CNKSR3: variants seen among roughly 807,000 people sequenced by gnomAD.
CNKSR3 encodes CNKSR family member 3.
Under a neutral mutation model 67.7 loss-of-function variants are expected in CNKSR3, and 36 were observed. That is an observed-to-expected ratio of 0.53 (90% CI 0.41 to 0.70). The LOEUF is 0.70. CNKSR3 is among the 30% of genes least tolerant of loss of function. CNKSR3 has a pLI of 0.00. For synonymous variants in CNKSR3, 281 were observed against 271.4 expected (o/e 1.04, Z -0.35); for missense variants, 630 against 695.2 (o/e 0.91, Z 1.05).
Position 154,430,618 on chromosome 6 carries a change from G to GA in CNKSR3, c.550-28dup, listed in dbSNP as rs767823408. On this transcript the variant is annotated intron_variant, in intron 5 of 12. Transcript: ENST00000607772. ...TAGAATTGGAGAAGCAAATAGTCAG[G>GA]AAAGTTCAATCATTAACCAAGTTTA... 1.9e-6 allele frequency: 3 copies of GA among 1,590,308 alleles called. No homozygotes were observed. The Admixed American group carries it at 5.5e-5, about 29-fold the overall frequency.
In CNKSR3 at chr6:154,422,925, T is replaced by C. The variant is rs1311351875; in HGVS notation, c.788A>G (p.Gln263Arg). The C allele has an allele frequency of 2.5e-6, 4 of 1,611,618 alleles. No individual in the cohort carries two copies. The highest frequency in any genetic ancestry group is 2.7e-5 in the African/African-American group (2 of 74,878). ...AATAAACAAACTCACCACAGTTTGC[T>C]GATTAACTTGAATGACTTCGTCACC... ...HAGDEVIQVN[Q>R]QTVVGWQLKN... is the part of the protein sequence containing the mutation. The change falls in exon 8 of 13, where the codon CAG (glutamine) becomes CGG (arginine). Residue 263 changes from glutamine (Q) to arginine (R), a missense_variant. Physicochemically the swap from Gln to Arg is conservative, Grantham distance 43 (BLOSUM62 1). Transcript: ENST00000607772.
rs947802236 is a variant in CNKSR3 at position 154,401,205 on chromosome 6, T to C, written c.*5149A>G. 2.0e-5 allele frequency: 3 copies of C among 152,196 alleles called. No individual in the cohort carries two copies. The highest frequency in any genetic ancestry group is 2.9e-5 in the Non-Finnish European group (2 of 68,034). The allele number at this position is 152,196 out of a possible 1,614,324, so 9.4% of individuals were successfully genotyped here. A position where few individuals can be genotyped will look rare whatever the true frequency, so the allele number is the denominator to read the frequency against. ...TTTATGTCCTCCCAAAATTCATCTGTTGAAACCCTAATCTCCAAAGCAATG... is the reference window on the plus strand; with the variant it reads ...TTTATGTCCTCCCAAAATTCATCTGCTGAAACCCTAATCTCCAAAGCAATG... On this transcript the variant is annotated 3_prime_UTR_variant, in exon 13 of 13. Transcript: ENST00000607772.
chr6:154,449,078 C>T (rs927643165), intron 2 of CNKSR3, among the ~76,000 whole-genome samples: 12 of 152,274 alleles, frequency 7.9e-5, no homozygotes, highest in South Asian at 4.1e-4. Flanking sequence ...CCACACCTAA[C>T]GAAGCTACCC....
In CNKSR3 at chr6:154,450,128, A is replaced by G; in HGVS notation, c.183T>C (p.Leu61=). The change falls in exon 2 of 13, where the codon CTT becomes CTC. Residue 61 remains leucine (L), a synonymous_variant. Coordinates refer to ENST00000607772, the MANE Select transcript of CNKSR3 (RefSeq NM_173515.4). ...LGVTRIGHQE[L]VLEAVDLLCA... ...AGAGAAGGTCCACAGCCTCCAACACAAGCTCCTGGTGTCCAATCCGTGTGA... is the reference window on the plus strand; with the variant it reads ...AGAGAAGGTCCACAGCCTCCAACACGAGCTCCTGGTGTCCAATCCGTGTGA... 1 of 1,614,054 alleles carries G rather than the reference A, an allele frequency of 6.2e-7. No homozygotes were observed. Among genetic ancestry groups the G allele is most frequent in the Non-Finnish European group, 8.5e-7 (1 of 1,179,978 alleles).
chr6:154,441,028 G>C (rs1392041209), intron 4 of CNKSR3, among the ~76,000 whole-genome samples: 1 of 151,922 alleles, frequency 6.6e-6, no homozygotes, highest in Non-Finnish European at 1.5e-5. Flanking sequence ...TTTAGGGGAA[G>C]TACAGGAACT....
chr6:154,414,124 A>G (rs569932750), intron 10 of CNKSR3, among the ~76,000 whole-genome samples, 175 bp downstream of exon 10: 95 of 149,254 alleles, frequency 6.4e-4, no homozygotes, highest in Non-Finnish European at 1.0e-3. Flanking sequence ...GAACCCAGAT[A>G]TGTCCCTACA....
chr6:154,397,085 C>G lies in CNKSR3; in HGVS notation c.*9269G>C, dbSNP rs1430455231. ...CCTCCCAAAGTGCTGGGATTACAGG[C>G]GTGACCCACCGCGCCCGGCCTCACT... On this transcript the variant is annotated 3_prime_UTR_variant, in exon 13 of 13. Coordinates refer to ENST00000607772, the MANE Select transcript of CNKSR3 (RefSeq NM_173515.4). The G allele has an allele frequency of 6.6e-6, 1 of 152,164 alleles. No individual in the cohort carries two copies. Among genetic ancestry groups the G allele is most frequent in the Non-Finnish European group, 1.5e-5 (1 of 68,074 alleles). The allele number at this position is 152,164 out of a possible 1,614,324, so 9.4% of individuals were successfully genotyped here. A position where few individuals can be genotyped will look rare whatever the true frequency, so the allele number is the denominator to read the frequency against.
intron 1 of CNKSR3, among the ~76,000 whole-genome samples, chr6:154,492,770 A>C (rs12190118): frequency 0.38 from 55,977 of 149,258 alleles, 10,720 homozygotes; most frequent in African/African-American, 0.44. Flanking sequence ...AAAAAACAAA[A>C]AAAAAAACAA....
rs916369795 is a variant in CNKSR3 at position 154,400,027 on chromosome 6, A to C, written c.*6327T>G. 1 of 152,210 alleles carries C rather than the reference A, an allele frequency of 6.6e-6. No homozygotes were observed. Among genetic ancestry groups the C allele is most frequent in the African/African-American group, 2.4e-5 (1 of 41,460 alleles). 9.4% of individuals were successfully genotyped at this position (152,210 alleles called of 1,614,324 possible). Reference sequence around the variant, plus strand: ...GGCAAGAGGAGAGAAAATGATGAGAATATCCTTATCCCTGGGTGTGAGGAG... The same window carrying C: ...GGCAAGAGGAGAGAAAATGATGAGACTATCCTTATCCCTGGGTGTGAGGAG... On this transcript the variant is annotated 3_prime_UTR_variant, in exon 13 of 13. Transcript: ENST00000607772.
rs1323204108 is a variant in CNKSR3 at position 154,396,520 on chromosome 6, C to T, written c.*9834G>A. The T allele has an allele frequency of 6.6e-6, 1 of 152,026 alleles. No individual in the cohort carries two copies. The highest frequency in any genetic ancestry group is 1.5e-5 in the Non-Finnish European group (1 of 68,010). The allele number at this position is 152,026 out of a possible 1,614,324, so 9.4% of individuals were successfully genotyped here. The stretch of plus-strand genomic sequence containing the variant: ...AGTTACTTCAATAATATTTTCTCTG[C>T]CTACAGAGCAAATATAAGGGTAAAT... On this transcript the variant is annotated 3_prime_UTR_variant, in exon 13 of 13. Transcript: ENST00000607772.
intron 9 of CNKSR3, among the ~76,000 whole-genome samples, chr6:154,422,244 A>G (rs1452110844): frequency 1.3e-5 from 2 of 152,148 alleles, no homozygotes; most frequent in Non-Finnish European, 2.9e-5. Context: ...CGCCCGCCTC[A>G]GCCTCCCAAG....
chr6:154,415,326 G>A (rs993772091), intron 9 of CNKSR3, among the ~76,000 whole-genome samples: 1 of 148,600 alleles, frequency 6.7e-6, no homozygotes, highest in Middle Eastern at 3.5e-3. Context: ...TGCCTCCTGG[G>A]TTCAAGTGAT....
intron 1 of CNKSR3, among the ~76,000 whole-genome samples, chr6:154,468,393 TACACACAC>T (rs55806681): frequency 9.8e-4 from 135 of 137,310 alleles, no homozygotes; most frequent in African/African-American, 2.5e-3. Flanking sequence ...ATATATTTTA[TACACACAC>T]ACACACACAC....
intron 1 of CNKSR3, among the ~76,000 whole-genome samples, chr6:154,489,479 C>A (rs1401063511): frequency 2.0e-5 from 3 of 151,888 alleles, no homozygotes; most frequent in South Asian, 4.2e-4. Flanking sequence ...TGCAGTAAGC[C>A]GAGATCCCAC....
At position 154,415,239 on chromosome 6, in the gene CNKSR3, T is replaced by C. The variant is rs551870866; in HGVS notation, c.946-816A>G. 9.9e-5 allele frequency among the ~76,000 whole-genome samples: 14 copies of C among 140,706 alleles called. 1 individual carries two copies. The East Asian group carries it at 3.1e-3, about 31-fold the overall frequency. 92.3% of individuals were successfully genotyped at this position (140,706 alleles called of 152,430 possible). On this transcript the variant is annotated intron_variant, in intron 9 of 12. Transcript: ENST00000607772. ...CTTACTAGCTGCCCATTTTTTTTTT[T>C]TTTTTTTTTAAGATGGAGTCTGCCT...
intron 4 of CNKSR3, among the ~76,000 whole-genome samples, chr6:154,438,221 A>C (rs1251174228): frequency 1.3e-5 from 2 of 152,112 alleles, no homozygotes; most frequent in Admixed American, 1.3e-4. Flanking sequence ...ATTTTTATAA[A>C]TAAAATTTTT....
chr6:154,446,516 C>T (rs934248880), intron 2 of CNKSR3, among the ~76,000 whole-genome samples: 3 of 152,158 alleles, frequency 2.0e-5, no homozygotes, highest in Non-Finnish European at 4.4e-5. Context: ...CATTTCTTCT[C>T]ATAAAAAAGA....
At chr6:154,509,035 G>A (rs1471597215) in intron 1 of CNKSR3, among the ~76,000 whole-genome samples, 2 of 151,366 alleles carry the variant, frequency 1.3e-5, no homozygotes, top group African/African-American at 2.4e-5. Context: ...ACTGTAAAGC[G>A]CTACACAATT....
chr6:154,474,093 C>T (rs1786390310), intron 1 of CNKSR3, among the ~76,000 whole-genome samples: 1 of 136,420 alleles, frequency 7.3e-6, no homozygotes, highest in African/African-American at 3.1e-5. Context: ...ATAGTTATCA[C>T]ACCTACCTCA....
Sources: allele counts gnomAD v4.1 joint callset (sites outside exome capture counted in the v4.1 genomes callset), GRCh38; gene constraint gnomAD v4.1.1; transcripts MANE v1.5; gene names NCBI Gene and HGNC (gene_info 2026-07-23, HGNC 2026-07-21).